Variants in DLG2 observed in about 807,000 individuals in gnomAD.
DLG2 encodes discs large MAGUK scaffold protein 2.
A neutral mutation model predicts 132.5 loss-of-function variants in DLG2; 45 were observed. The observed-to-expected ratio is 0.34, with a 90% CI of 0.27 to 0.44. DLG2 has a LOEUF of 0.44. Ranked by LOEUF, DLG2 falls within the 20% of genes least tolerant of loss-of-function variation. The probability of loss-of-function intolerance (pLI) is 1.00; values close to 1 mark genes in which losing one functional copy is unlikely to be tolerated. For synonymous variants in DLG2, 424 were observed against 419.6 expected (o/e 1.01, Z -0.13); for missense variants, 1,045 against 1,196.9 (o/e 0.87, Z 1.87).
At chr11:85,305,280 G>A (rs1303615810) in intron 3 of DLG2, among the ~76,000 whole-genome samples, 2 of 152,130 alleles carry the variant, frequency 1.3e-5, no homozygotes, top group East Asian at 3.8e-4. Context: ...CCACATAAAC[G>A]ATACTGACTG....
At chr11:83,884,465 C>T (rs960751064) in intron 15 of DLG2, among the ~76,000 whole-genome samples, 9 of 152,216 alleles carry the variant, frequency 5.9e-5, no homozygotes, top group Non-Finnish European at 1.3e-4. Context: ...GTAGAGCCCA[C>T]CACAGCTCAA....
At chr11:84,452,171 G>A (rs1047475521) in intron 7 of DLG2, among the ~76,000 whole-genome samples, 2 of 150,834 alleles carry the variant, frequency 1.3e-5, no homozygotes, top group Admixed American at 1.3e-4. Context: ...GAGGAGAAAA[G>A]GAAGAGGAAG....
chr11:83,485,368 A>AAGTT (rs2093435214), intron 21 of DLG2, among the ~76,000 whole-genome samples: 1 of 152,108 alleles, frequency 6.6e-6, no homozygotes, highest in African/African-American at 2.4e-5. Flanking sequence ...GTCATTTTAT[A>AAGTT]AGTTATTGGC....
chr11:84,598,008 G>T (rs964381659), intron 6 of DLG2, among the ~76,000 whole-genome samples: 1 of 152,130 alleles, frequency 6.6e-6, no homozygotes, highest in African/African-American at 2.4e-5. Context: ...CTCCAATAAG[G>T]TAACTATTAC....
At chr11:84,060,913 A>G (rs7924503) in intron 10 of DLG2, among the ~76,000 whole-genome samples, 122,931 of 151,786 alleles carry the variant, frequency 0.81, 50,605 homozygotes, top group Middle Eastern at 0.93. Context: ...AATCAACATC[A>G]TCTCTCAGGT....
At chr11:83,496,828 A>AACTG (rs2094171656) in intron 21 of DLG2, among the ~76,000 whole-genome samples, 1 of 152,150 alleles carries the variant, frequency 6.6e-6, no homozygotes, top group Non-Finnish European at 1.5e-5. Flanking sequence ...CACCTCCCAA[A>AACTG]ACTGTATTTC....
chr11:84,211,898 C>T (rs1345833466), intron 8 of DLG2, among the ~76,000 whole-genome samples: 1 of 152,116 alleles, frequency 6.6e-6, no homozygotes, highest in African/African-American at 2.4e-5. Context: ...CATTTCCAAA[C>T]TTAGAATATA....
chr11:85,530,638 CT>C (rs2075142320), intron 3 of DLG2, among the ~76,000 whole-genome samples: 1 of 152,088 alleles, frequency 6.6e-6, no homozygotes, highest in Non-Finnish European at 1.5e-5. Context: ...TTTTCTAATG[CT>C]TTTTTATAGA....
chr11:84,825,206 G>A (rs545317053), intron 6 of DLG2, among the ~76,000 whole-genome samples: 1 of 151,978 alleles, frequency 6.6e-6, no homozygotes. Flanking sequence ...TAGGAGACCT[G>A]AGTTTGAATG....
chr11:85,583,346 T>C (rs1565718354), intron 3 of DLG2, among the ~76,000 whole-genome samples: 1 of 149,384 alleles, frequency 6.7e-6, no homozygotes, highest in Non-Finnish European at 1.5e-5. Context: ...TTGTTGTTGT[T>C]GCTCCTGTTG....
chr11:84,966,715 G>A (rs970318493), intron 6 of DLG2, among the ~76,000 whole-genome samples: 10 of 152,028 alleles, frequency 6.6e-5, no homozygotes, highest in South Asian at 2.1e-4. Context: ...TGGTCTTTCC[G>A]AAGATTTATG....
chr11:83,790,203 C>T (rs565715369), intron 17 of DLG2: 177 of 874,494 alleles, frequency 2.0e-4, no homozygotes, highest in Non-Finnish European at 3.1e-4. Context: ...ACTGAATGCT[C>T]AATTAGATCA....
chr11:85,342,155 T>C (rs1244178556), intron 3 of DLG2, among the ~76,000 whole-genome samples: 1 of 152,226 alleles, frequency 6.6e-6, no homozygotes, highest in Non-Finnish European at 1.5e-5. Context: ...TTACATTAGC[T>C]TAATATAACT....
At chr11:83,888,264 T>A (rs1227678294) in intron 15 of DLG2, among the ~76,000 whole-genome samples, 11 of 152,188 alleles carry the variant, frequency 7.2e-5, no homozygotes, top group East Asian at 3.9e-4. Flanking sequence ...TCAGGATACA[T>A]TATCAATGTA....
chr11:84,781,410 TC>T (rs1263364410), intron 6 of DLG2, among the ~76,000 whole-genome samples: 1 of 152,082 alleles, frequency 6.6e-6, no homozygotes, highest in African/African-American at 2.4e-5. Flanking sequence ...TAGGACCTCC[TC>T]CCTGAGTTGA....
chr11:84,760,580 G>T (rs2067480225), intron 6 of DLG2, among the ~76,000 whole-genome samples: 1 of 152,192 alleles, frequency 6.6e-6, no homozygotes. Context: ...TAGTGAGTTA[G>T]CAGCGGCCCC....
chr11:83,598,236 C>T (rs1217188267), intron 19 of DLG2, among the ~76,000 whole-genome samples: 2 of 152,250 alleles, frequency 1.3e-5, no homozygotes, highest in East Asian at 1.9e-4. Context: ...CAGCTCCACG[C>T]ATGTTCTGTC....
intron 19 of DLG2, among the ~76,000 whole-genome samples, chr11:83,543,925 T>G (rs1266822332): frequency 6.6e-6 from 1 of 152,138 alleles, no homozygotes; most frequent in Non-Finnish European, 1.5e-5. Flanking sequence ...TAAGAATGGC[T>G]TACTGTGCCT....
At chr11:84,344,949 A>C (rs3906479) in intron 7 of DLG2, among the ~76,000 whole-genome samples, 45,170 of 152,000 alleles carry the variant, frequency 0.3, 8,517 homozygotes, top group African/African-American at 0.54. Flanking sequence ...CATTTAATAA[A>C]AGCTGAAGTG....
Sources: allele counts gnomAD v4.1 joint callset (sites outside exome capture counted in the v4.1 genomes callset), GRCh38; gene constraint gnomAD v4.1.1; transcripts MANE v1.5; gene names NCBI Gene and HGNC (gene_info 2026-07-23, HGNC 2026-07-21).